Variants in RFTN2 observed in about 807,000 individuals in gnomAD.
The protein encoded by RFTN2 is raftlin-2.
In RFTN2, 34 loss-of-function variants were observed where a neutral mutation model predicts 52.7. The ratio of observed to expected loss-of-function variants is 0.64; its 90% CI spans 0.49 to 0.86. The LOEUF (loss-of-function observed/expected upper bound fraction) is 0.86. Among genes scored for constraint, RFTN2 ranks in the 40% least tolerant of loss-of-function variants. RFTN2 has a pLI of 0.00. For missense variants in RFTN2, 536 were observed against 600.1 expected, an observed-to-expected ratio of 0.89 and a Z score of 1.12; for synonymous variants, 203 against 217.7, an observed-to-expected ratio of 0.93 and a Z score of 0.59.
At chr2:197,644,577 G>A (rs373906139) in intron 2 of RFTN2, among the ~76,000 whole-genome samples, 1 of 152,018 alleles carries the variant, frequency 6.6e-6, no homozygotes, top group Non-Finnish European at 1.5e-5. Flanking sequence ...ATATCTTATC[G>A]AACAAAAGCA....
intron 7 of RFTN2, among the ~76,000 whole-genome samples, chr2:197,615,626 C>T (rs1220979517): frequency 6.6e-6 from 1 of 152,216 alleles, no homozygotes. Flanking sequence ...TGGAACCCTA[C>T]TGTGTCCTAA....
intron 1 of RFTN2, among the ~76,000 whole-genome samples, chr2:197,656,892 G>T (rs1393030497): frequency 1.3e-5 from 2 of 152,068 alleles, no homozygotes; most frequent in Admixed American, 1.3e-4. Context: ...AACAAAGAAA[G>T]GAGCTACACA....
intron 8 of RFTN2, among the ~76,000 whole-genome samples, chr2:197,573,390 G>T (rs1158907602): frequency 6.6e-6 from 1 of 152,210 alleles, no homozygotes; most frequent in Admixed American, 6.5e-5. Context: ...GTGGCATTTT[G>T]CCCTTGCCCT....
intron 8 of RFTN2, among the ~76,000 whole-genome samples, chr2:197,589,763 T>C (rs1187308605): frequency 6.6e-6 from 1 of 152,232 alleles, no homozygotes; most frequent in Non-Finnish European, 1.5e-5. Flanking sequence ...TCGTTTGTCA[T>C]GTATATGATA....
chr2:197,587,753 G>T (rs2087625376), intron 8 of RFTN2, among the ~76,000 whole-genome samples: 1 of 152,144 alleles, frequency 6.6e-6, no homozygotes, highest in South Asian at 2.1e-4. Context: ...TACATCTTCA[G>T]CAATCATATC....
chr2:197,658,815 CTTTA>C (rs2088931285), intron 1 of RFTN2, among the ~76,000 whole-genome samples: 1 of 152,062 alleles, frequency 6.6e-6, no homozygotes, highest in African/African-American at 2.4e-5. Flanking sequence ...TTTGTAAGAG[CTTTA>C]TATATCTTGC....
At chr2:197,605,444 T>C (rs536275083) in intron 7 of RFTN2, among the ~76,000 whole-genome samples, 1 of 152,178 alleles carries the variant, frequency 6.6e-6, no homozygotes, top group South Asian at 2.1e-4. Context: ...CTCGATCTCC[T>C]GACCTCATGA....
At chr2:197,592,911 T>G (rs1331518945) in intron 8 of RFTN2, among the ~76,000 whole-genome samples, 1 of 152,220 alleles carries the variant, frequency 6.6e-6, no homozygotes, top group African/African-American at 2.4e-5. Context: ...AGTAAGAAAT[T>G]GTTTCCTTAA....
intron 4 of RFTN2, among the ~76,000 whole-genome samples, chr2:197,632,710 C>T (rs1248969642): frequency 4.6e-5 from 7 of 152,034 alleles, no homozygotes; most frequent in East Asian, 1.9e-4. Flanking sequence ...GAGATGGGTG[C>T]GATCTAAGTT....
intron 7 of RFTN2, among the ~76,000 whole-genome samples, 191 bp downstream of exon 7, chr2:197,615,685 G>A (rs1401779242): frequency 1.3e-5 from 2 of 152,138 alleles, no homozygotes; most frequent in Non-Finnish European, 2.9e-5. Context: ...GTGCTGCAGA[G>A]CCTAACAGCT....
intron 3 of RFTN2, among the ~76,000 whole-genome samples, chr2:197,634,485 G>A (rs1417022351): frequency 6.6e-6 from 1 of 151,984 alleles, no homozygotes; most frequent in Non-Finnish European, 1.5e-5. Flanking sequence ...GATTCTTGAC[G>A]AATGTGTAGG....
chr2:197,642,272 G>A (rs2088685696), intron 3 of RFTN2, among the ~76,000 whole-genome samples: 1 of 152,114 alleles, frequency 6.6e-6, no homozygotes, highest in Non-Finnish European at 1.5e-5. Context: ...TTACCTGAAA[G>A]GAAATGCTTT....
chr2:197,649,931 AT>A (rs1339466392), intron 1 of RFTN2, among the ~76,000 whole-genome samples: 2 of 152,148 alleles, frequency 1.3e-5, no homozygotes, highest in East Asian at 3.8e-4. Flanking sequence ...AATTAATTTT[AT>A]TTTAGCTCCA....
At chr2:197,624,988 C>G (rs868538249) in intron 5 of RFTN2, among the ~76,000 whole-genome samples, 1 of 151,992 alleles carries the variant, frequency 6.6e-6, no homozygotes, top group African/African-American at 2.4e-5. Context: ...CTACAGCCAC[C>G]CCCAACCTTC....
At chr2:197,618,615 G>A (rs1471492331) in intron 5 of RFTN2, among the ~76,000 whole-genome samples, 2 of 151,710 alleles carry the variant, frequency 1.3e-5, no homozygotes, top group African/African-American at 2.4e-5. Flanking sequence ...GTCTCTGCCC[G>A]GCCACCATCC....
rs76879999 is a variant in RFTN2, at chr2:197,641,807, G to A, written c.438+2351C>T. 7.2e-3 allele frequency among the ~76,000 whole-genome samples: 1,089 copies of A among 152,166 alleles called. 13 individuals are homozygous for A. The highest frequency in any genetic ancestry group is 0.025 in the African/African-American group (1,038 of 41,498). On this transcript the variant is annotated intron_variant, in intron 3 of 8. Transcript: ENST00000295049. ...TCATCTATGGCTCTTGTTCATACCC[G>A]GAGCAATGCTCAAATATTTCATGTG...
At chr2:197,599,864 T>A (rs1465583574) in intron 7 of RFTN2, among the ~76,000 whole-genome samples, 2 of 151,522 alleles carry the variant, frequency 1.3e-5, no homozygotes, top group African/African-American at 4.9e-5. Context: ...TATTTTATAT[T>A]TTATTTTTTT....
At chr2:197,618,728 C>T (rs2106214578) in intron 5 of RFTN2, among the ~76,000 whole-genome samples, 2 of 150,502 alleles carry the variant, frequency 1.3e-5, no homozygotes, top group East Asian at 2.0e-4. Flanking sequence ...GGGAGCACCT[C>T]TGCCCTGCCG....
intron 7 of RFTN2, among the ~76,000 whole-genome samples, chr2:197,614,449 A>C (rs2088109984): frequency 6.6e-6 from 1 of 152,108 alleles, no homozygotes; most frequent in Admixed American, 6.5e-5. Context: ...CACTGTCCTC[A>C]ATTCCCTGTG....
Sources: allele counts gnomAD v4.1 joint callset (sites outside exome capture counted in the v4.1 genomes callset), GRCh38; gene constraint gnomAD v4.1.1; transcripts MANE v1.5; gene names NCBI Gene and HGNC (gene_info 2026-07-23, HGNC 2026-07-21).